Variants in ABCA3 observed in about 807,000 individuals in gnomAD.
The protein encoded by ABCA3 is ATP binding cassette subfamily A member 3.
ABCA3 carries 88 observed loss-of-function variants against 172.8 expected under a neutral mutation model. That is an observed-to-expected ratio of 0.51 (90% CI 0.43 to 0.61). ABCA3 has a LOEUF of 0.61. Ranked by LOEUF, ABCA3 falls within the 20% of genes least tolerant of loss-of-function variation. The pLI is 0.00. For missense variants in ABCA3, 2,164 were observed against 2,301.0 expected (o/e 0.94, Z 1.22); for synonymous variants, 1,066 against 983.8 (o/e 1.08, Z -1.56).
intron 1 of ABCA3, among the ~76,000 whole-genome samples, chr16:2,337,581 T>C (rs558888576): frequency 1.3e-5 from 2 of 151,804 alleles, no homozygotes; most frequent in South Asian, 4.2e-4. Flanking sequence ...GATGGGATCT[T>C]GCCATGTTGC....
Position 2,281,402 on chromosome 16 carries a change from C to T in ABCA3, c.4143G>A (p.Leu1381=), listed in dbSNP as rs1366825140. The T allele has an allele frequency of 6.2e-7, 1 of 1,613,608 alleles. No homozygotes were observed. The highest frequency in any genetic ancestry group is 8.5e-7 in the Non-Finnish European group (1 of 1,180,004). Residue 1381 remains leucine (L), a synonymous_variant, in exon 27 of 33, where the codon CTG becomes CTA. Coordinates refer to ENST00000301732, the MANE Select transcript of ABCA3 (RefSeq NM_001089.3). The surrounding 1 kb of genome is among the most constrained non-coding windows in gnomAD (Gnocchi z 4.7). The part of the protein sequence containing the change: ...PSPDSLLHTP[L]IIKELSKVYE... ...GTACCTTGGAGAGCTCCTTGATAAT[C>T]AGAGGTGTGTGGAGCAGGGAGTCCG...
At chr16:2,317,015 G>GCT (rs2093716985) in intron 10 of ABCA3, among the ~76,000 whole-genome samples, 1 of 152,206 alleles carries the variant, frequency 6.6e-6, no homozygotes, top group South Asian at 2.1e-4. Context: ...ACATGGCCGG[G>GCT]CTCACTGTCC....
chr16:2,283,433 C>T lies in ABCA3; in HGVS notation c.3863-75G>A, dbSNP rs2141693017. On this transcript the variant is annotated intron_variant, in intron 25 of 32. Coordinates refer to ENST00000301732, the MANE Select transcript of ABCA3 (RefSeq NM_001089.3). This position sits in a 1 kb window ranked among gnomAD's most constrained non-coding sequence, Gnocchi z 5.4. The stretch of plus-strand genomic sequence containing the variant: ...CCCTTCCAGGTTCCCGGCCCCCACT[C>T]CCCTCCCCAGGCTGCTCAAGGCGCC... The T allele has an allele frequency of 1.3e-6, 2 of 1,546,412 alleles. No homozygotes were observed. The highest frequency in any genetic ancestry group is 4.5e-5 in the East Asian group (2 of 44,092).
In ABCA3 at chr16:2,281,584, G is replaced by A; in HGVS notation, c.4036-75C>T. ...CTTCCGTGGAGAAGGGAGGGGCGGGGGTGGATGTGGGAGGTCTGGTGGGAC... is the reference window on the plus strand; with the variant it reads ...CTTCCGTGGAGAAGGGAGGGGCGGGAGTGGATGTGGGAGGTCTGGTGGGAC... On this transcript the variant is annotated intron_variant, in intron 26 of 32. Transcript: ENST00000301732. This position sits in a 1 kb window ranked among gnomAD's most constrained non-coding sequence, Gnocchi z 4.7. The A allele has an allele frequency of 7.2e-7, 1 of 1,393,968 alleles. No individual in the cohort carries two copies. Among genetic ancestry groups the A allele is most frequent in the Admixed American group, 1.7e-5 (1 of 58,104 alleles). 86.3% of individuals were successfully genotyped at this position (1,393,968 alleles called of 1,614,324 possible).
chr16:2,278,327 G>T lies in ABCA3; in HGVS notation c.4679C>A (p.Ala1560Asp). Reference sequence around the variant, plus strand: ...GATGATGGCCTTGCCAGACTCTCGGGCTCGTGCCACGGTGTCCCAAAGCAG... The same window carrying T: ...GATGATGGCCTTGCCAGACTCTCGGTCTCGTGCCACGGTGTCCCAAAGCAG... ...RRLLWDTVAR[A>D]RESGKAIIIT... Residue 1560 changes from alanine to aspartate, a missense_variant, in exon 30 of 33, where the codon GCC becomes GAC. Ala to Asp is a moderately radical substitution (Grantham distance 126). Around this residue, in one of 3 missense-constraint regions of ABCA3, gnomAD observed 795 missense variants for 881.9 expected, o/e 0.90. Coordinates refer to ENST00000301732, the MANE Select transcript of ABCA3 (RefSeq NM_001089.3). This position sits in a 1 kb window ranked among gnomAD's most constrained non-coding sequence, Gnocchi z 4.4. 6.2e-7 allele frequency: 1 copy of T among 1,610,714 alleles called. No individual in the cohort carries two copies.
rs1012128970 is a variant in ABCA3 at position 2,316,799 on chromosome 16, A to C, written c.1111+484T>G. On this transcript the variant is annotated intron_variant, in intron 10 of 32. Transcript: ENST00000301732. ...ACTTTTTGGAATTTTAGAGGTAAGT[A>C]ATCAAGTGAAACATTAAAGGTAATC... Among the ~76,000 whole-genome samples the C allele has an allele frequency of 1.1e-4, 16 of 152,198 alleles. 1 individual carries two copies. The highest frequency in any genetic ancestry group is 3.9e-4 in the African/African-American group (16 of 41,456).
intron 1 of ABCA3, among the ~76,000 whole-genome samples, chr16:2,336,131 T>C (rs1023989475): frequency 6.6e-6 from 1 of 152,220 alleles, no homozygotes; most frequent in Non-Finnish European, 1.5e-5. Context: ...AGAGCATTTG[T>C]GAAAACAGAC....
chr16:2,317,194 T>C, intron 10 of ABCA3, 89 bp downstream of exon 10: 3 of 1,586,086 alleles, frequency 1.9e-6, no homozygotes, highest in Non-Finnish European at 2.6e-6. Flanking sequence ...CAGGCCACTC[T>C]CCCTTCCGAT....
At position 2,287,986 on chromosome 16, in the gene ABCA3, GC is replaced by G; in HGVS notation, c.3004+39del. 6.3e-7 allele frequency: 1 copy of G among 1,594,526 alleles called. No individual in the cohort carries two copies. On this transcript the variant is annotated intron_variant, in intron 21 of 32. Coordinates refer to ENST00000301732, the MANE Select transcript of ABCA3 (RefSeq NM_001089.3). This position sits in a 1 kb window ranked among gnomAD's most constrained non-coding sequence, Gnocchi z 4.1. ...AAGGCGAACTCTGGCTGCAGGACTG[GC>G]CCCCGATGCCCCCGTCCCGCCCCCG...
chr16:2,300,983 C>A (rs1275933593), intron 12 of ABCA3, among the ~76,000 whole-genome samples: 4 of 150,150 alleles, frequency 2.7e-5, no homozygotes, highest in Non-Finnish European at 5.9e-5. Flanking sequence ...GTAATCCCAG[C>A]ACTTTGGGAG....
rs1007075481 is a variant in ABCA3, at chr16:2,276,556, C to T, written c.*118G>A. The T allele has an allele frequency of 1.3e-6, 2 of 1,498,884 alleles. No individual in the cohort carries two copies. Among genetic ancestry groups the T allele is most frequent in the East Asian group, 4.8e-5 (2 of 41,534 alleles). The allele number at this position is 1,498,884 out of a possible 1,614,324, so 92.8% of individuals were successfully genotyped here. ...GCATACTGCCTTGAATTTTTCATAT[C>T]CATCATAGAAAAAAGTGATTAAAAA... On this transcript the variant is annotated 3_prime_UTR_variant, in exon 33 of 33. Coordinates refer to ENST00000301732, the MANE Select transcript of ABCA3 (RefSeq NM_001089.3).
At chr16:2,313,546 C>G (rs1325915268) in intron 10 of ABCA3, among the ~76,000 whole-genome samples, 3 of 112,680 alleles carry the variant, frequency 2.7e-5, no homozygotes, top group Admixed American at 1.1e-4. Flanking sequence ...GAGTGAGACT[C>G]TGTCACAAAA....
chr16:2,285,367 G>A lies in ABCA3; in HGVS notation c.3483+75C>T, dbSNP rs1382055550. 25 of 1,526,256 alleles carry A rather than the reference G, an allele frequency of 1.6e-5. No homozygotes were observed. Among genetic ancestry groups the A allele is most frequent in the Non-Finnish European group, 2.1e-5 (24 of 1,128,574 alleles). The allele number at this position is 1,526,256 out of a possible 1,614,324, so 94.5% of individuals were successfully genotyped here. ...GCCTAGGGGCTGCCCAGCTGGTTCC[G>A]GTTCTGCACAGGGGTCCCAGGGCAA... On this transcript the variant is annotated intron_variant, in intron 23 of 32. Coordinates refer to ENST00000301732, the MANE Select transcript of ABCA3 (RefSeq NM_001089.3). This position sits in a 1 kb window ranked among gnomAD's most constrained non-coding sequence, Gnocchi z 4.7.
At chr16:2,337,085 T>A (rs1287626275) in intron 1 of ABCA3, among the ~76,000 whole-genome samples, 2 of 151,568 alleles carry the variant, frequency 1.3e-5, no homozygotes, top group African/African-American at 4.8e-5. Flanking sequence ...GCTATTTTTT[T>A]TTTTTTTTTA....
intron 12 of ABCA3, 125 bp downstream of exon 12, chr16:2,303,844 G>T: frequency 9.1e-7 from 1 of 1,095,500 alleles, no homozygotes. Flanking sequence ...CACAGGGCAG[G>T]GTTCTGTGTG....
chr16:2,295,600 T>G lies in ABCA3; in HGVS notation c.2404A>C (p.Ser802Arg). ...CCCTGGGAGGCGTACCTGTGCGTGC[T>G]CTCTCTGGGAAGGATGAAAGACAGC... ...AELSFILPRE[S>R]THRFEGLFAK... Residue 802 changes from serine (S) to arginine (R), a missense_variant, in exon 18 of 33, where the codon AGC becomes CGC. Ser to Arg is a moderately radical substitution (Grantham distance 110). Transcript: ENST00000301732. 6.2e-7 allele frequency: 1 copy of G among 1,613,460 alleles called. No homozygotes were observed. The highest frequency in any genetic ancestry group is 8.5e-7 in the Non-Finnish European group (1 of 1,180,040).
chr16:2,286,679 G>T lies in ABCA3; in HGVS notation c.3278+15C>A. 1 of 1,612,376 alleles carries T rather than the reference G, an allele frequency of 6.2e-7. No homozygotes were observed. On this transcript the variant is annotated intron_variant, in intron 22 of 32. Transcript: ENST00000301732. This position sits in a 1 kb window ranked among gnomAD's most constrained non-coding sequence, Gnocchi z 5.2. ...GGCTCTGGCCAGGGCAGACAGGGAC[G>T]GGCAGTGCACATACTCGTTAAACTG...
At chr16:2,324,647 A>G in intron 5 of ABCA3, 116 bp from the exon 6 acceptor site, 1 of 1,460,538 alleles carries the variant, frequency 6.8e-7, no homozygotes, top group Non-Finnish European at 9.3e-7. Context: ...GGCTTTGTAA[A>G]CCCTTCCTGA....
At chr16:2,323,202 T>G in intron 7 of ABCA3, 1 of 447,254 alleles carries the variant, frequency 2.2e-6, no homozygotes, top group East Asian at 4.5e-5. Context: ...TTTACACTGT[T>G]GGTGGGACTG....
Sources: allele counts gnomAD v4.1 joint callset (sites outside exome capture counted in the v4.1 genomes callset), GRCh38; gene constraint gnomAD v4.1.1; regional missense constraint gnomAD v4.1.1; non-coding constraint Gnocchi (gnomAD v3.1); transcripts MANE v1.5; gene names NCBI Gene and HGNC (gene_info 2026-07-23, HGNC 2026-07-21).